CDIN1: variants seen among roughly 807,000 people sequenced by gnomAD.
The protein encoded by CDIN1 is CDAN1-interacting nuclease 1.
In CDIN1, 33 loss-of-function variants were observed where a neutral mutation model predicts 45.3. That is an observed-to-expected ratio of 0.73 (90% confidence interval 0.55 to 0.97). The LOEUF (loss-of-function observed/expected upper bound fraction) is 0.97, where lower values mean the gene tolerates loss of function less well. Ranked by LOEUF, CDIN1 falls within the 50% of genes least tolerant of loss-of-function variation. The probability of loss-of-function intolerance (pLI) is 0.00; values close to 1 mark genes in which losing one functional copy is unlikely to be tolerated. For missense variants in CDIN1, 303 were observed against 339.4 expected, an observed-to-expected ratio of 0.89 and a Z score of 0.84; for synonymous variants, 118 against 124.4, an observed-to-expected ratio of 0.95 and a Z score of 0.34.
rs182452748 is a variant in CDIN1 at position 36,768,053 on chromosome 15, C to T, written c.717-40271C>T. 2.0e-5 allele frequency among the ~76,000 whole-genome samples: 3 copies of T among 152,308 alleles called. No homozygotes were observed. In the East Asian group the frequency reaches 5.8e-4, roughly 29 times the overall value. On this transcript the variant is annotated intron_variant, in intron 10 of 10. Transcript: ENST00000566621. ...CTAGTCTGTGGTTCAGCTCCTGTTACCTGCCCTTAACTGCCTCCCACCCCC... is the reference window on the plus strand; with the variant it reads ...CTAGTCTGTGGTTCAGCTCCTGTTATCTGCCCTTAACTGCCTCCCACCCCC...
intron 4 of CDIN1, 53 bp downstream of exon 4, chr15:36,654,211 A>G (rs2140451809): frequency 7.2e-7 from 1 of 1,396,320 alleles, no homozygotes; most frequent in Non-Finnish European, 9.9e-7. Context: ...TAAGGGGCCT[A>G]TCTAGAGTAA....
chr15:36,720,759 G>A (rs1283966167), intron 10 of CDIN1, among the ~76,000 whole-genome samples: 2 of 152,134 alleles, frequency 1.3e-5, no homozygotes, highest in African/African-American at 2.4e-5. Context: ...TGTCCTTATA[G>A]TAGCATGATT....
At chr15:36,597,541 A>G (rs2037895737) in intron 1 of CDIN1, among the ~76,000 whole-genome samples, 1 of 152,250 alleles carries the variant, frequency 6.6e-6, no homozygotes, top group Admixed American at 6.5e-5. Context: ...ACCATGCATT[A>G]AACTGAGCAA....
intron 10 of CDIN1, among the ~76,000 whole-genome samples, chr15:36,759,770 A>G (rs964028699): frequency 6.6e-6 from 1 of 152,186 alleles, no homozygotes; most frequent in African/African-American, 2.4e-5. Context: ...ATCATGGTGG[A>G]AGGGCAAAGC....
At chr15:36,705,916 T>C (rs1256813713) in intron 8 of CDIN1, 2 of 152,204 alleles carry the variant, frequency 1.3e-5, no homozygotes, top group African/African-American at 4.8e-5. Flanking sequence ...TTCAGATTAT[T>C]GCCATTACCT....
At chr15:36,698,808 C>T (rs1372122886) in intron 8 of CDIN1, among the ~76,000 whole-genome samples, 2 of 152,114 alleles carry the variant, frequency 1.3e-5, no homozygotes, top group Admixed American at 6.5e-5. Flanking sequence ...TTTTGTTTGG[C>T]CTAACTTTTC....
chr15:36,740,497 C>T (rs1342335256), intron 10 of CDIN1, among the ~76,000 whole-genome samples: 2 of 152,144 alleles, frequency 1.3e-5, no homozygotes, highest in African/African-American at 2.4e-5. Context: ...AGCACTTCTA[C>T]GTGAAACAGC....
chr15:36,710,577 T>C (rs372574611), intron 10 of CDIN1, among the ~76,000 whole-genome samples: 1 of 152,156 alleles, frequency 6.6e-6, no homozygotes, highest in African/African-American at 2.4e-5. Context: ...TAGAGCTAGT[T>C]ATCATGGGGC....
At chr15:36,587,874 T>C (rs1274541499) in intron 1 of CDIN1, among the ~76,000 whole-genome samples, 1 of 152,220 alleles carries the variant, frequency 6.6e-6, no homozygotes, top group Admixed American at 6.5e-5. Context: ...CAGAATCTCT[T>C]TCTCGCTCTG....
intron 10 of CDIN1, among the ~76,000 whole-genome samples, chr15:36,764,543 T>G (rs1319202160): frequency 6.6e-6 from 1 of 152,218 alleles, no homozygotes; most frequent in Non-Finnish European, 1.5e-5. Context: ...TCTTTGTGTT[T>G]GTTTATTCCC....
intron 1 of CDIN1, among the ~76,000 whole-genome samples, chr15:36,636,680 G>T (rs1347444969): frequency 6.6e-6 from 1 of 152,218 alleles, no homozygotes; most frequent in Admixed American, 6.5e-5. Flanking sequence ...AACAGTAGCA[G>T]TGTCTTTTGA....
intron 5 of CDIN1, among the ~76,000 whole-genome samples, chr15:36,672,050 A>G (rs2140543371): frequency 6.6e-6 from 1 of 152,274 alleles, no homozygotes; most frequent in African/African-American, 2.4e-5. Context: ...AAAATAGAGT[A>G]GGCAGAATTT....
chr15:36,670,061 G>A (rs2041391260), intron 5 of CDIN1, among the ~76,000 whole-genome samples: 1 of 151,806 alleles, frequency 6.6e-6, no homozygotes, highest in African/African-American at 2.4e-5. Context: ...TATTATTTGG[G>A]TTTCTTCTGT....
chr15:36,587,756 A>C (rs576814724), intron 1 of CDIN1, among the ~76,000 whole-genome samples: 2 of 152,168 alleles, frequency 1.3e-5, no homozygotes, highest in East Asian at 3.9e-4. Flanking sequence ...AAAAAGCTCT[A>C]TCTCTTTTTA....
chr15:36,697,420 G>A lies in CDIN1; in HGVS notation c.544+30G>A, dbSNP rs936191533. Reference sequence around the variant, plus strand: ...GTATTATTCACATCTTCTCTAGCTTGTGTTGTCTCCCTGAGTGCTTAAATA... The same window carrying A: ...GTATTATTCACATCTTCTCTAGCTTATGTTGTCTCCCTGAGTGCTTAAATA... On this transcript the variant is annotated intron_variant, in intron 8 of 10. Transcript: ENST00000566621. The A allele has an allele frequency of 7.1e-6, 11 of 1,549,138 alleles. No individual in the cohort carries two copies. In the African/African-American group the frequency reaches 1.5e-4, roughly 21 times the overall value.
intron 10 of CDIN1, among the ~76,000 whole-genome samples, chr15:36,754,100 G>A (rs72708614): frequency 0.22 from 33,411 of 152,092 alleles, 4,012 homozygotes; most frequent in African/African-American, 0.3. Context: ...AGACTTATGC[G>A]TGGGTATGCA....
At chr15:36,704,291 C>T (rs1415448144) in intron 8 of CDIN1, 1 of 152,030 alleles carries the variant, frequency 6.6e-6, no homozygotes, top group African/African-American at 2.4e-5. Context: ...TTGTTAGTGG[C>T]TTTGATAAGA....
intron 10 of CDIN1, among the ~76,000 whole-genome samples, chr15:36,718,281 A>G (rs780512127): frequency 1.3e-5 from 2 of 152,132 alleles, no homozygotes; most frequent in Non-Finnish European, 2.9e-5. Flanking sequence ...TATAATTTTG[A>G]AAACAGATAG....
intron 5 of CDIN1, among the ~76,000 whole-genome samples, chr15:36,672,092 A>G (rs1305208817): frequency 1.3e-5 from 2 of 152,122 alleles, no homozygotes; most frequent in Admixed American, 1.3e-4. Context: ...TTGCTTTGGC[A>G]TAAAAAGTGG....
Sources: allele counts gnomAD v4.1 joint callset (sites outside exome capture counted in the v4.1 genomes callset), GRCh38; gene constraint gnomAD v4.1.1; transcripts MANE v1.5; gene names NCBI Gene and HGNC (gene_info 2026-07-23, HGNC 2026-07-21).